FSHR: variants seen among roughly 807,000 people sequenced by gnomAD.
The protein encoded by FSHR is follicle stimulating hormone receptor, also known as follicle-stimulating hormone receptor.
FSHR carries 46 observed loss-of-function variants against 52.1 expected under a neutral mutation model. The observed-to-expected ratio is 0.88, with a 90% confidence interval of 0.70 to 1.13. The LOEUF is 1.13. Among genes scored for constraint, FSHR ranks in the 50% most tolerant of loss-of-function variants. The probability of loss-of-function intolerance (pLI) is 0.00; values close to 1 mark genes in which losing one functional copy is unlikely to be tolerated. For synonymous variants in FSHR, 399 were observed against 309.6 expected (o/e 1.29, Z -3.03); for missense variants, 964 against 834.6 (o/e 1.16, Z -1.91).
chr2:49,077,709 T>A (rs1669999805), intron 1 of FSHR, among the ~76,000 whole-genome samples: 1 of 152,174 alleles, frequency 6.6e-6, no homozygotes, highest in Non-Finnish European at 1.5e-5. Context: ...AAGTCTTGAG[T>A]GCTTTGCTGC....
intron 8 of FSHR, among the ~76,000 whole-genome samples, chr2:48,973,549 T>C (rs916731150): frequency 2.8e-4 from 42 of 152,336 alleles, no homozygotes; most frequent in African/African-American, 9.9e-4. Flanking sequence ...TGAAGAAGTA[T>C]TTTTTCCTTG....
chr2:49,030,564 A>G (rs1668067736), intron 2 of FSHR, among the ~76,000 whole-genome samples: 1 of 152,092 alleles, frequency 6.6e-6, no homozygotes, highest in Non-Finnish European at 1.5e-5. Context: ...TTTATGAGCC[A>G]CAGTGAAGGA....
intron 2 of FSHR, among the ~76,000 whole-genome samples, chr2:49,053,128 T>A (rs1409561566): frequency 1.3e-5 from 2 of 152,226 alleles, no homozygotes; most frequent in African/African-American, 4.8e-5. Flanking sequence ...TTATATTTTT[T>A]GTCCTTATGT....
At chr2:48,975,783 CTGTT>C (rs1449916912) in intron 8 of FSHR, among the ~76,000 whole-genome samples, 1 of 152,146 alleles carries the variant, frequency 6.6e-6, no homozygotes, top group Non-Finnish European at 1.5e-5. Flanking sequence ...ATTTGGCCCT[CTGTT>C]TGTCTATTAT....
chr2:49,126,769 C>T (rs1672012388), intron 1 of FSHR, among the ~76,000 whole-genome samples: 1 of 152,230 alleles, frequency 6.6e-6, no homozygotes, highest in Non-Finnish European at 1.5e-5. Context: ...ACTGCAACCA[C>T]AGCCCAGGTC....
At chr2:49,023,777 A>T (rs1324354907) in intron 2 of FSHR, among the ~76,000 whole-genome samples, 1 of 152,102 alleles carries the variant, frequency 6.6e-6, no homozygotes, top group Non-Finnish European at 1.5e-5. Flanking sequence ...AGGGAAGATG[A>T]CTTTTAAGGC....
chr2:48,985,478 A>G (rs1001800999), intron 6 of FSHR, among the ~76,000 whole-genome samples: 6 of 152,108 alleles, frequency 3.9e-5, no homozygotes, highest in African/African-American at 2.4e-5. Flanking sequence ...GGCCATAGCT[A>G]GGTGCTTTCC....
intron 2 of FSHR, among the ~76,000 whole-genome samples, chr2:49,025,023 A>C (rs146116668): frequency 1.6e-3 from 243 of 152,298 alleles, no homozygotes; most frequent in African/African-American, 5.5e-3. Flanking sequence ...TCCCAGTCAA[A>C]TGTTTGCTGA....
chr2:49,028,534 T>C (rs76176204), intron 2 of FSHR, among the ~76,000 whole-genome samples: 1,921 of 152,338 alleles, frequency 0.013, 44 homozygotes, highest in African/African-American at 0.044. Flanking sequence ...TGGAGATAAA[T>C]ATGTGGCATG....
intron 2 of FSHR, among the ~76,000 whole-genome samples, chr2:49,051,855 T>A (rs1415265672): frequency 2.0e-5 from 3 of 152,184 alleles, no homozygotes; most frequent in African/African-American, 7.2e-5. Flanking sequence ...CACTTAAAGT[T>A]AAATTTTGTG....
Position 48,982,857 on chromosome 2 carries a change from C to A in FSHR, c.668+55G>T, listed in dbSNP as rs1348823418. 8.9e-6 allele frequency: 13 copies of A among 1,458,546 alleles called. No homozygotes were observed. The African/African-American group carries it at 1.3e-4, about 14-fold the overall frequency. The allele number at this position is 1,458,546 out of a possible 1,614,324, so 90.4% of individuals were successfully genotyped here. A position where few individuals can be genotyped will look rare whatever the true frequency, so the allele number is the denominator to read the frequency against. On this transcript the variant is annotated intron_variant, in intron 8 of 9. Transcript: ENST00000406846. Reference sequence around the variant, plus strand: ...TTCTCCCCTAGCTGCAGAGAGTTGACTTCTAACTTACACAAACTGAGCTCT... The same window carrying A: ...TTCTCCCCTAGCTGCAGAGAGTTGAATTCTAACTTACACAAACTGAGCTCT...
At chr2:48,997,754 A>T (rs1676087733) in intron 4 of FSHR, among the ~76,000 whole-genome samples, 1 of 152,082 alleles carries the variant, frequency 6.6e-6, no homozygotes, top group Admixed American at 6.6e-5. Flanking sequence ...ATCCACTAGG[A>T]CCTGGGTCAT....
chr2:49,025,363 A>C (rs1440540168), intron 2 of FSHR, among the ~76,000 whole-genome samples: 1 of 152,158 alleles, frequency 6.6e-6, no homozygotes. Flanking sequence ...GCTTTCCTTA[A>C]CTGGTGCTAT....
chr2:49,149,831 GAA>G (rs1673000676), intron 1 of FSHR, among the ~76,000 whole-genome samples: 1 of 152,068 alleles, frequency 6.6e-6, no homozygotes, highest in South Asian at 2.1e-4. Flanking sequence ...AAATGCTAGT[GAA>G]AAGAGATTGC....
chr2:49,083,790 G>C (rs1361424459), intron 1 of FSHR, among the ~76,000 whole-genome samples: 2 of 146,704 alleles, frequency 1.4e-5, no homozygotes, highest in African/African-American at 2.5e-5. Flanking sequence ...AACAAGAAGA[G>C]CTAACTATCC....
intron 1 of FSHR, among the ~76,000 whole-genome samples, chr2:49,142,783 C>G (rs181440420): frequency 1.3e-5 from 2 of 152,030 alleles, no homozygotes; most frequent in Non-Finnish European, 2.9e-5. Context: ...AGGGGAGATA[C>G]GGATAAATGA....
intron 1 of FSHR, among the ~76,000 whole-genome samples, chr2:49,095,159 A>G (rs1005928273): frequency 1.3e-5 from 2 of 152,150 alleles, no homozygotes; most frequent in African/African-American, 4.8e-5. Flanking sequence ...TATGCAAGAA[A>G]CCCATAATGG....
Position 49,020,164 on chromosome 2 carries a change from T to C in FSHR, c.225-4A>G, listed in dbSNP as rs1158247282. 1 of 1,611,630 alleles carries C rather than the reference T, an allele frequency of 6.2e-7. No homozygotes were observed. ...GACATCATTCTGAGAGATCTCTCTG[T>C]GGAGAAAAAAATATATAAGTCAAGC... On this transcript the variant is annotated splice_region_variant and splice_polypyrimidine_tract_variant and intron_variant, in intron 2 of 9. Coordinates refer to ENST00000406846, the MANE Select transcript of FSHR (RefSeq NM_000145.4).
chr2:49,015,331 C>T (rs1049453082), intron 4 of FSHR, among the ~76,000 whole-genome samples: 13 of 152,188 alleles, frequency 8.5e-5, no homozygotes, highest in East Asian at 1.9e-4. Flanking sequence ...AGGTCTTAAT[C>T]GGCAGCATAA....
Sources: allele counts gnomAD v4.1 joint callset (sites outside exome capture counted in the v4.1 genomes callset), GRCh38; gene constraint gnomAD v4.1.1; transcripts MANE v1.5; gene names NCBI Gene and HGNC (gene_info 2026-07-23, HGNC 2026-07-21).